Variants in CIITA observed in about 807,000 individuals in gnomAD.
CIITA encodes the protein MHC class II transactivator.
CIITA carries 72 observed loss-of-function variants against 115.1 expected under a neutral mutation model. The ratio of observed to expected loss-of-function variants is 0.63; its 90% confidence interval spans 0.52 to 0.76. The LOEUF is 0.76. CIITA is among the 30% of genes least tolerant of loss of function. The pLI is 0.00. For synonymous variants in CIITA, 763 were observed against 635.6 expected, an observed-to-expected ratio of 1.20 and a Z score of -3.02; for missense variants, 1,617 against 1,463.8, an observed-to-expected ratio of 1.10 and a Z score of -1.71.
At chr16:10,922,620 C>A in intron 18 of CIITA, 130 bp downstream of exon 18, 2 of 886,888 alleles carry the variant, frequency 2.3e-6, no homozygotes, top group Non-Finnish European at 3.7e-6. Context: ...GACACTTCCC[C>A]CTCTGGCTTC....
At chr16:10,905,088 C>T (rs1001840607) in intron 10 of CIITA, among the ~76,000 whole-genome samples, 3 of 152,012 alleles carry the variant, frequency 2.0e-5, no homozygotes, top group African/African-American at 7.3e-5. Flanking sequence ...GAGGGGCAAG[C>T]GAATGATGAA....
At chr16:10,896,104 C>A (rs1330033306) in intron 3 of CIITA, among the ~76,000 whole-genome samples, 1 of 152,190 alleles carries the variant, frequency 6.6e-6, no homozygotes, top group Non-Finnish European at 1.5e-5. Context: ...CTTTTCCTCC[C>A]AGCTCCTTAG....
chr16:10,902,642 C>T lies in CIITA; in HGVS notation c.629-16C>T. 1 of 1,614,192 alleles carries T rather than the reference C, an allele frequency of 6.2e-7. No homozygotes were observed. Among genetic ancestry groups the T allele is most frequent in the East Asian group, 2.2e-5 (1 of 44,888 alleles). On this transcript the variant is annotated splice_polypyrimidine_tract_variant and intron_variant, in intron 7 of 19. Coordinates refer to ENST00000324288, the MANE Select transcript of CIITA (RefSeq NM_000246.4). The stretch of plus-strand genomic sequence containing the variant: ...TGCTATGCAAGATCCCACCTCACTG[C>T]CTTTGTCTCTTGCAGTGCCTTTCTC...
In CIITA at chr16:10,901,129, G is replaced by A. The variant is rs780348707; in HGVS notation, c.437-385G>A. 1.2e-4 allele frequency among the ~76,000 whole-genome samples: 18 copies of A among 152,114 alleles called. No homozygotes were observed. The highest frequency in any genetic ancestry group is 1.8e-4 in the Non-Finnish European group (12 of 68,008). On this transcript the variant is annotated intron_variant, in intron 5 of 19. Transcript: ENST00000324288. This position sits in a 1 kb window ranked among gnomAD's most constrained non-coding sequence, Gnocchi z 6.8. ...ACTCACTGATTTCTGGCATACTCCT[G>A]CAATGTAGGAACCACCACCCCCATT...
rs45513895 is a variant in CIITA at position 10,901,288 on chromosome 16, T to C, written c.437-226T>C. Among the ~76,000 whole-genome samples, 7,481 of 152,266 alleles carry C rather than the reference T, an allele frequency of 0.049. 194 individuals are homozygous for C. The highest frequency in any genetic ancestry group is 0.078 in the Middle Eastern group (23 of 294). ...CAAACCCATGTTGTGTCCCCATTTGTGACTCGGCCTCTTCTGCTGCTACAC... is the reference window on the plus strand; with the variant it reads ...CAAACCCATGTTGTGTCCCCATTTGCGACTCGGCCTCTTCTGCTGCTACAC... On this transcript the variant is annotated intron_variant, in intron 5 of 19. Transcript: ENST00000324288. The surrounding 1 kb of genome is among the most constrained non-coding windows in gnomAD (Gnocchi z 6.8).
chr16:10,941,559 G>C lies in CIITA; in HGVS notation n.685G>C. The C allele has an allele frequency of 6.9e-7, 1 of 1,446,798 alleles. No individual in the cohort carries two copies. The highest frequency in any genetic ancestry group is 9.1e-7 in the Non-Finnish European group (1 of 1,098,258). 89.6% of individuals were successfully genotyped at this position (1,446,798 alleles called of 1,614,324 possible). A position where few individuals can be genotyped will look rare whatever the true frequency, so the allele number is the denominator to read the frequency against. ...AACCCGCCCTCATCCTGTTCAGAGA[G>C]GGCACTTACAGGCCTCGGAGGCAGG... On this transcript the variant is annotated non_coding_transcript_exon_variant, in exon 2 of 2. Coordinates refer to the CIITA transcript ENST00000573379. This position sits in a 1 kb window ranked among gnomAD's most constrained non-coding sequence, Gnocchi z 6.4.
intron 1 of CIITA, among the ~76,000 whole-genome samples, chr16:10,884,221 A>G (rs2036705229): frequency 7.0e-6 from 1 of 143,596 alleles, no homozygotes; most frequent in Admixed American, 8.8e-5. Flanking sequence ...TTTGTTTTCC[A>G]CTTTCCTGCT....
intron 13 of CIITA, among the ~76,000 whole-genome samples, chr16:10,914,065 G>A (rs1019939276): frequency 4.0e-5 from 6 of 151,848 alleles, no homozygotes; most frequent in African/African-American, 7.3e-5. Context: ...CTTGCTTTCC[G>A]ATTTCTTTGA....
Position 10,898,998 on chromosome 16 carries a change from A to G in CIITA, c.432A>G (p.Lys144=), listed in dbSNP as rs1190834100. 2 of 1,614,054 alleles carry G rather than the reference A, an allele frequency of 1.2e-6. No individual in the cohort carries two copies. Among genetic ancestry groups the G allele is most frequent in the East Asian group, 4.5e-5 (2 of 44,864 alleles). ...MPAEVGQKSQ[K]RPFPEELPAD... is the part of the protein sequence containing the mutation. ...CAGAAGTTGGGCAGAAAAGTCAGAA[A>G]AGACGTGAGTGAGCCCCTCCCTGAT... Residue 144 remains lysine (K), a synonymous_variant, in exon 5 of 20, where the codon AAA becomes AAG. Coordinates refer to ENST00000324288, the MANE Select transcript of CIITA (RefSeq NM_000246.4).
At position 10,909,117 on chromosome 16, in the gene CIITA, A is replaced by T. The variant is rs1401028957; in HGVS notation, c.2746A>T (p.Thr916Ser). The change falls in exon 12 of 20, where the codon ACC (threonine) becomes TCC (serine). Residue 916 changes from threonine to serine, a missense_variant. Transcript: ENST00000324288. The part of the protein sequence containing the change: ...KLLQAAEEKF[T>S]IEPFKAKSLK... ...ACTTCAGGCAGCAGAGGAGAAGTTC[A>T]CCATCGAGCCTTTCAAAGCCAAGTC... is the stretch of plus-strand genomic sequence containing the variant. The T allele has an allele frequency of 6.2e-7, 1 of 1,614,202 alleles. No homozygotes were observed. The highest frequency in any genetic ancestry group is 2.2e-5 in the East Asian group (1 of 44,876).
downstream of CIITA, chr16:10,938,777 G>A (rs1450244810): frequency 6.6e-6 from 1 of 152,186 alleles, no homozygotes; most frequent in Non-Finnish European, 1.5e-5. This position sits in a 1 kb window ranked among gnomAD's most constrained non-coding sequence, Gnocchi z 4.9. Flanking sequence ...GTCAGGCCCT[G>A]ACACCCCGAG....
In CIITA at chr16:10,928,508, C is replaced by G. The variant is rs2145269124; in HGVS notation, c.*4653C>G. The G allele has an allele frequency of 6.6e-6, 1 of 152,438 alleles. No individual in the cohort carries two copies. The highest frequency in any genetic ancestry group is 1.9e-4 in the East Asian group (1 of 5,194). 9.4% of individuals were successfully genotyped at this position (152,438 alleles called of 1,614,324 possible). On this transcript the variant is annotated 3_prime_UTR_variant, in exon 20 of 20. Transcript: ENST00000324288. ...GTTTCACCGTGGTGGCCAGGCTGGT[C>G]TCGAACTCCTAACCTCAAGTGATCT...
Position 10,870,833 on chromosome 16 carries a change from AC to A in CIITA, c.-21+4516del, listed in dbSNP as rs1391910675. 2.0e-5 allele frequency among the ~76,000 whole-genome samples: 3 copies of A among 152,328 alleles called. 1 individual carries two copies. In the East Asian group the frequency reaches 5.8e-4, roughly 29 times the overall value. On this transcript the variant is annotated intron_variant, in intron 1 of 5. Transcript: ENST00000636238. The stretch of plus-strand genomic sequence containing the variant: ...TTAGGTCGCACTGTATAAATATCAG[AC>A]CACTCTGAGTCTAACAGCAAGGAGA...
chr16:10,895,285 G>A lies in CIITA; in HGVS notation c.56G>A (p.Ser19Asn). The change falls in exon 2 of 20, where the codon AGC becomes AAC. Residue 19 changes from serine to asparagine, a missense_variant. By Grantham distance (46) the Ser-to-Asn change is conservative (BLOSUM62 1). Coordinates refer to ENST00000324288, the MANE Select transcript of CIITA (RefSeq NM_000246.4). ...AGSYLSEPQG[S>N]SQCATMELGP... Reference sequence around the variant, plus strand: ...TGAGCATTGTCTTCCCTCCCAGGCAGCTCACAGTGTGCCACCATGGAGTTG... The same window carrying A: ...TGAGCATTGTCTTCCCTCCCAGGCAACTCACAGTGTGCCACCATGGAGTTG... 1 of 1,613,842 alleles carries A rather than the reference G, an allele frequency of 6.2e-7. No homozygotes were observed. The highest frequency in any genetic ancestry group is 1.1e-5 in the South Asian group (1 of 91,082).
chr16:10,906,512 G>C lies in CIITA; in HGVS notation c.1020G>C (p.Gln340His), dbSNP rs762597561. The change falls in exon 11 of 20, where the codon CAG becomes CAC. Residue 340 changes from glutamine (Q) to histidine (H), a missense_variant. Transcript: ENST00000324288. ...KLPKWPEPVE[Q>H]FYRSLQDTYG... ...TGGCCTTTGCAGAGCCGGTGGAGCA[G>C]TTCTACCGCTCACTGCAGGACACGT... 4 of 1,611,888 alleles carry C rather than the reference G, an allele frequency of 2.5e-6. No homozygotes were observed. Among genetic ancestry groups the C allele is most frequent in the African/African-American group, 1.3e-5 (1 of 74,872 alleles).
chr16:10,910,395 T>C, intron 13 of CIITA, 136 bp downstream of exon 13: 1 of 806,212 alleles, frequency 1.2e-6, no homozygotes, highest in Non-Finnish European at 2.1e-6. Flanking sequence ...GGAAATAGCT[T>C]CCAGCAGCTG....
chr16:10,893,311 A>G (rs2037781470), intron 1 of CIITA, among the ~76,000 whole-genome samples: 1 of 152,136 alleles, frequency 6.6e-6, no homozygotes, highest in Non-Finnish European at 1.5e-5. Flanking sequence ...ATACCATGGA[A>G]ACATGGACCT....
At position 10,924,754 on chromosome 16, in the gene CIITA, G is replaced by A. The variant is rs777453384; in HGVS notation, c.*899G>A. The stretch of plus-strand genomic sequence containing the variant: ...GCCAGATGCACCAGCCCTTAGCAGG[G>A]AAACAGCTAATGGGACACTAATGGG... On this transcript the variant is annotated 3_prime_UTR_variant, in exon 20 of 20. Transcript: ENST00000324288. The A allele has an allele frequency of 6.6e-6, 1 of 152,296 alleles. No homozygotes were observed. The highest frequency in any genetic ancestry group is 2.1e-4 in the South Asian group (1 of 4,836). The allele number at this position is 152,296 out of a possible 1,614,324, so 9.4% of individuals were successfully genotyped here.
intron 3 of CIITA, 57 bp downstream of exon 3, chr16:10,895,821 C>A: frequency 6.5e-7 from 1 of 1,538,036 alleles, no homozygotes; most frequent in Non-Finnish European, 9.0e-7. Context: ...TCTTTGCTGC[C>A]ACTTGTCAAT....
Sources: gnomAD v4.1 joint callset for allele counts (sites outside exome capture counted in the v4.1 genomes callset) on GRCh38, gnomAD v4.1.1 for gene constraint, Gnocchi (gnomAD v3.1) non-coding constraint, MANE v1.5 for transcripts, NCBI Gene and HGNC (gene_info 2026-07-23, HGNC 2026-07-21) for gene names.